The following EPN1 variants were observed in gnomAD, a reference collection of about 807,000 sequenced individuals.
EPN1 encodes epsin 1.
EPN1 carries 25 observed loss-of-function variants against 56.9 expected under a neutral mutation model. That is an observed-to-expected ratio of 0.44 (90% CI 0.32 to 0.61). The LOEUF (loss-of-function observed/expected upper bound fraction) is 0.61, where lower values mean the gene tolerates loss of function less well. Among genes scored for constraint, EPN1 ranks in the 20% least tolerant of loss-of-function variants. EPN1 has a pLI of 0.05. For synonymous variants in EPN1, 411 were observed against 361.8 expected (o/e 1.14, Z -1.54); for missense variants, 785 against 823.7 (o/e 0.95, Z 0.58).
rs2122250831 is a variant in EPN1, at chr19:55,705,649, A to G, written c.*10293A>G. On this transcript the variant is annotated 3_prime_UTR_variant, in exon 11 of 11. Coordinates refer to ENST00000270460, the MANE Select transcript of EPN1 (RefSeq NM_001130072.2). ...GGACAACAGAGCAAGACCCTTTCTTAGAAAAAAGAAAAGTATCCCCGAACA... is the reference window on the plus strand; with the variant it reads ...GGACAACAGAGCAAGACCCTTTCTTGGAAAAAAGAAAAGTATCCCCGAACA... 1 of 152,216 alleles carries G rather than the reference A, an allele frequency of 6.6e-6. No homozygotes were observed. 9.4% of individuals were successfully genotyped at this position (152,216 alleles called of 1,614,324 possible).
At chr19:55,688,760 G>T in intron 3 of EPN1, 110 bp from the exon 4 acceptor site, 3 of 1,471,496 alleles carry the variant, frequency 2.0e-6, no homozygotes, top group Non-Finnish European at 2.7e-6. Flanking sequence ...GTAGGGTGGG[G>T]GACTTGGGGG....
chr19:55,706,726 G>C lies in EPN1; in HGVS notation c.*11370G>C, dbSNP rs1401081795. ...GTAAAGAGAGATTTAAAAAACAATA[G>C]TAAAGAGAGATTAAAAAAAAAAAGT... is the stretch of plus-strand genomic sequence containing the variant. On this transcript the variant is annotated 3_prime_UTR_variant, in exon 11 of 11. Transcript: ENST00000270460. 6.6e-6 allele frequency: 1 copy of C among 151,476 alleles called. No homozygotes were observed. The highest frequency in any genetic ancestry group is 1.5e-5 in the Non-Finnish European group (1 of 67,922). The allele number at this position is 151,476 out of a possible 1,614,324, so 9.4% of individuals were successfully genotyped here. A position where few individuals can be genotyped will look rare whatever the true frequency, so the allele number is the denominator to read the frequency against.
In EPN1 at chr19:55,704,544, G is replaced by C. The variant is rs546983245; in HGVS notation, c.*9188G>C. On this transcript the variant is annotated 3_prime_UTR_variant, in exon 11 of 11. Transcript: ENST00000270460. Reference sequence around the variant, plus strand: ...CTTCATCTTGAATTTCTGGTTTCCAGAACTGTGAGAAAATCCATTGACGTT... The same window carrying C: ...CTTCATCTTGAATTTCTGGTTTCCACAACTGTGAGAAAATCCATTGACGTT... The C allele has an allele frequency of 1.6e-4, 25 of 152,316 alleles. No individual in the cohort carries two copies. Among genetic ancestry groups the C allele is most frequent in the African/African-American group, 5.8e-4 (24 of 41,560 alleles). 9.4% of individuals were successfully genotyped at this position (152,316 alleles called of 1,614,324 possible). A position where few individuals can be genotyped will look rare whatever the true frequency, so the allele number is the denominator to read the frequency against.
Position 55,675,419 on chromosome 19 carries a change from G to A in EPN1, c.-118G>A, listed in dbSNP as rs1055855157. On this transcript the variant is annotated 5_prime_UTR_variant, in exon 1 of 11. Transcript: ENST00000270460. ...TGACCGCCATGACCCCCCAGAGCCC[G>A]GCGTGAGGGGGCCGAGGTGAGCGCG... 6.6e-6 allele frequency: 1 copy of A among 151,942 alleles called. No homozygotes were observed. The highest frequency in any genetic ancestry group is 2.4e-5 in the African/African-American group (1 of 41,402). The allele number at this position is 151,942 out of a possible 1,614,324, so 9.4% of individuals were successfully genotyped here.
At chr19:55,688,750 G>A in intron 3 of EPN1, 120 bp from the exon 4 acceptor site, 1 of 1,418,520 alleles carries the variant, frequency 7.0e-7, no homozygotes, top group Non-Finnish European at 9.6e-7. Flanking sequence ...TGCAGAGGTT[G>A]TAGGGTGGGG....
At chr19:55,693,106 C>G in intron 9 of EPN1, 69 bp downstream of exon 9, 1 of 1,494,116 alleles carries the variant, frequency 6.7e-7, no homozygotes, top group Non-Finnish European at 9.3e-7. Context: ...AGCCCCGTCC[C>G]TTGCTGTCTT....
chr19:55,677,098 T>C, intron 1 of EPN1: 1 of 1,542,718 alleles, frequency 6.5e-7, no homozygotes, highest in East Asian at 2.5e-5. Flanking sequence ...CTCTCCGTCA[T>C]CCCTATCTCC....
chr19:55,683,134 C>A (rs1026078166), intron 2 of EPN1, among the ~76,000 whole-genome samples: 2 of 152,074 alleles, frequency 1.3e-5, no homozygotes, highest in African/African-American at 4.8e-5. Context: ...TGGCTCACTG[C>A]AACCTCTGCC....
rs956766681 is a variant in EPN1, at chr19:55,696,610, G to C, written c.*1254G>C. On this transcript the variant is annotated 3_prime_UTR_variant, in exon 11 of 11. Transcript: ENST00000270460. ...GACTTCTTGCCCCTTCTGCCCGGGG[G>C]ACGCTCTGGGCTCAGGGTGGGGCCA... is the stretch of plus-strand genomic sequence containing the variant. 2.0e-5 allele frequency: 3 copies of C among 152,404 alleles called. No homozygotes were observed. The highest frequency in any genetic ancestry group is 2.0e-4 in the Admixed American group (3 of 15,284). The allele number at this position is 152,404 out of a possible 1,614,324, so 9.4% of individuals were successfully genotyped here.
Position 55,699,140 on chromosome 19 carries a change from G to T in EPN1, c.*3784G>T, listed in dbSNP as rs1987026297. On this transcript the variant is annotated 3_prime_UTR_variant, in exon 11 of 11. Transcript: ENST00000270460. ...TGTTACATATATATACATGTGCCAT[G>T]TTGGTGTGCTGCACGCATTAACTCG... is the stretch of plus-strand genomic sequence containing the variant. 1 of 152,178 alleles carries T rather than the reference G, an allele frequency of 6.6e-6. No individual in the cohort carries two copies. The highest frequency in any genetic ancestry group is 1.5e-5 in the Non-Finnish European group (1 of 68,046). 9.4% of individuals were successfully genotyped at this position (152,178 alleles called of 1,614,324 possible).
chr19:55,684,462 C>A (rs1049132107), intron 2 of EPN1, among the ~76,000 whole-genome samples: 1 of 152,146 alleles, frequency 6.6e-6, no homozygotes, highest in African/African-American at 2.4e-5. Context: ...TTGGTCCCCC[C>A]GCCCCCACTA....
chr19:55,686,898 C>G (rs1986206619), intron 3 of EPN1, among the ~76,000 whole-genome samples: 1 of 151,408 alleles, frequency 6.6e-6, no homozygotes. Flanking sequence ...GGTAAGAGGC[C>G]TGAGGGTGGG....
intron 1 of EPN1, among the ~76,000 whole-genome samples, chr19:55,675,812 T>C (rs1985369995): frequency 6.6e-6 from 1 of 152,190 alleles, no homozygotes; most frequent in Non-Finnish European, 1.5e-5. Flanking sequence ...TCCCTAGGTG[T>C]CTCTAGCCCT....
At position 55,694,901 on chromosome 19, in the gene EPN1, C is replaced by T. The variant is rs1986821219; in HGVS notation, c.1440C>T (p.Ala480=). ...AGTCATTCCTGGGGCCCAATGCAGCCCTCGTCGACCTGGACTCGCTGGTGA... is the reference window on the plus strand; with the variant it reads ...AGTCATTCCTGGGGCCCAATGCAGCTCTCGTCGACCTGGACTCGCTGGTGA... The part of the protein sequence containing the change: ...TPESFLGPNA[A]LVDLDSLVSR... The change falls in exon 10 of 11, where the codon GCC becomes GCT. Residue 480 remains alanine (A), a synonymous_variant. Transcript: ENST00000270460. The surrounding 1 kb of genome is among the most constrained non-coding windows in gnomAD (Gnocchi z 4.2). 2 of 1,589,768 alleles carry T rather than the reference C, an allele frequency of 1.3e-6. No individual in the cohort carries two copies. Among genetic ancestry groups the T allele is most frequent in the Admixed American group, 3.5e-5 (2 of 57,072 alleles).
At chr19:55,688,001 T>G (rs59221728) in intron 3 of EPN1, among the ~76,000 whole-genome samples, 2,787 of 152,142 alleles carry the variant, frequency 0.018, 96 homozygotes, top group African/African-American at 0.064. Context: ...AGGACACAGG[T>G]GCAAGGCGGC....
chr19:55,679,109 G>A (rs1985633048), intron 2 of EPN1, among the ~76,000 whole-genome samples: 1 of 152,228 alleles, frequency 6.6e-6, no homozygotes, highest in Non-Finnish European at 1.5e-5. Context: ...GAGGGCCCAC[G>A]GTGCCCATCT....
chr19:55,686,733 C>T (rs1384112729), intron 3 of EPN1, among the ~76,000 whole-genome samples: 3 of 151,648 alleles, frequency 2.0e-5, no homozygotes, highest in South Asian at 2.1e-4. Flanking sequence ...GCCGGTGTGG[C>T]GTGGGAGTGC....
In EPN1 at chr19:55,701,911, G is replaced by C. The variant is rs562717954; in HGVS notation, c.*6555G>C. On this transcript the variant is annotated 3_prime_UTR_variant, in exon 11 of 11. Transcript: ENST00000270460. ...GGGCCTGAAGAACCAGTTAGGACCA[G>C]GTGTGCTGTCTGCATCGAGCAGAGT... is the stretch of plus-strand genomic sequence containing the variant. The C allele has an allele frequency of 6.6e-6, 1 of 151,872 alleles. No homozygotes were observed. Among genetic ancestry groups the C allele is most frequent in the African/African-American group, 2.4e-5 (1 of 41,260 alleles). 9.4% of individuals were successfully genotyped at this position (151,872 alleles called of 1,614,324 possible).
Position 55,707,498 on chromosome 19 carries a change from C to T in EPN1, c.*12142C>T, listed in dbSNP as rs1424775152. The T allele has an allele frequency of 6.5e-6, 1 of 152,964 alleles. No homozygotes were observed. Among genetic ancestry groups the T allele is most frequent in the Non-Finnish European group, 1.5e-5 (1 of 68,224 alleles). 9.5% of individuals were successfully genotyped at this position (152,964 alleles called of 1,614,324 possible). ...TAAAGGAAAGACCAAAATAACTTTC[C>T]AAGATGAAAAGCTAAGAGTGCTGAT... On this transcript the variant is annotated 3_prime_UTR_variant, in exon 11 of 11. Coordinates refer to ENST00000270460, the MANE Select transcript of EPN1 (RefSeq NM_001130072.2).
Sources: gnomAD v4.1 joint callset for allele counts (sites outside exome capture counted in the v4.1 genomes callset) on GRCh38, gnomAD v4.1.1 for gene constraint, Gnocchi (gnomAD v3.1) non-coding constraint, MANE v1.5 for transcripts, NCBI Gene and HGNC (gene_info 2026-07-23, HGNC 2026-07-21) for gene names.